Variants in PEX12 observed in about 807,000 individuals in gnomAD.
The protein encoded by PEX12 is peroxisome assembly protein 12.
Under a neutral mutation model 32.5 loss-of-function variants are expected in PEX12, and 31 were observed. That is an observed-to-expected ratio of 0.95 (90% confidence interval 0.72 to 1.29). The LOEUF (loss-of-function observed/expected upper bound fraction) is 1.29, where lower values mean the gene tolerates loss of function less well. Ranked by LOEUF, PEX12 falls within the 50% of genes most tolerant of loss-of-function variation. The pLI is 0.00. For missense variants in PEX12, 359 were observed against 419.0 expected (o/e 0.86, Z 1.25); for synonymous variants, 148 against 157.2 (o/e 0.94, Z 0.44).
At position 35,578,059 on chromosome 17, in the gene PEX12, ACT is replaced by A. The variant is rs746414260; in HGVS notation, c.-40_-39del. 8 of 1,612,962 alleles carry A rather than the reference ACT, an allele frequency of 5.0e-6. No homozygotes were observed. Among genetic ancestry groups the A allele is most frequent in the Non-Finnish European group, 5.9e-6 (7 of 1,179,582 alleles). The stretch of plus-strand genomic sequence containing the variant: ...GTACTGGCTTTCACTTTTCCCACAA[ACT>A]CTCTCGTGAGCATGAACTTTTTCGG... On this transcript the variant is annotated 5_prime_UTR_variant, in exon 1 of 3. Coordinates refer to ENST00000225873, the MANE Select transcript of PEX12 (RefSeq NM_000286.3).
chr17:35,576,068 T>C lies in PEX12; in HGVS notation c.794A>G (p.Tyr265Cys). Residue 265 changes from tyrosine (Y) to cysteine (C), a missense_variant, in exon 3 of 3, where the codon TAC (tyrosine) becomes TGC (cysteine). Physicochemically the swap from Tyr to Cys is radical, Grantham distance 194. Transcript: ENST00000225873. ...VFFLQFLDWW[Y>C]SSENQETIKS... is the part of the protein sequence containing the mutation. ...GATGGTTTCTTGATTTTCAGATGAGTACCACCAGTCAAGGAACTGCAAGAA... is the reference window on the plus strand; with the variant it reads ...GATGGTTTCTTGATTTTCAGATGAGCACCACCAGTCAAGGAACTGCAAGAA... 1.9e-6 allele frequency: 3 copies of C among 1,613,986 alleles called. No homozygotes were observed. Among genetic ancestry groups the C allele is most frequent in the Non-Finnish European group, 2.5e-6 (3 of 1,179,998 alleles).
At position 35,577,675 on chromosome 17, in the gene PEX12, T is replaced by C; in HGVS notation, c.127-84A>G. On this transcript the variant is annotated intron_variant, in intron 1 of 2. Transcript: ENST00000225873. ...TTACATTCCCCCTTTTCCTCTAAAG[T>C]CTACACAATTTGTTTTAAATAAGTC... The C allele has an allele frequency of 2.1e-6, 3 of 1,440,600 alleles. No individual in the cohort carries two copies. The South Asian group carries it at 3.4e-5, about 17-fold the overall frequency. 89.2% of individuals were successfully genotyped at this position (1,440,600 alleles called of 1,614,324 possible).
chr17:35,577,980 G>A lies in PEX12; in HGVS notation c.42C>T (p.Ala14=). The change falls in exon 1 of 3, where the codon GCC becomes GCT. Residue 14 remains alanine (A), a synonymous_variant. Transcript: ENST00000225873. ...HGAHFTAASV[A]DDQPSIFEVV... The stretch of plus-strand genomic sequence containing the variant: ...CCTCAAAGATGGATGGCTGGTCATC[G>A]GCCACAGAAGCAGCTGTGAAGTGAG... 1.9e-6 allele frequency: 3 copies of A among 1,614,138 alleles called. No homozygotes were observed. Among genetic ancestry groups the A allele is most frequent in the South Asian group, 1.1e-5 (1 of 91,086 alleles).
rs35542792 is a variant in PEX12 at position 35,576,867 on chromosome 17, A to G, written c.680+171T>C. Among the ~76,000 whole-genome samples the G allele has an allele frequency of 0.14, 21,407 of 152,238 alleles. 1,804 individuals are homozygous for G. The highest frequency in any genetic ancestry group is 0.25 in the South Asian group (1,202 of 4,828). On this transcript the variant is annotated intron_variant, in intron 2 of 2. Transcript: ENST00000225873. ...AGCAAGTATGCACTAAAGTATACCT[A>G]GAATGATGAAGGTTACCAGGATGAC...
chr17:35,576,501 AAC>A lies in PEX12; in HGVS notation c.681-322_681-321del, dbSNP rs200218126. Among the ~76,000 whole-genome samples the A allele has an allele frequency of 2.8e-4, 42 of 150,224 alleles. No homozygotes were observed. In the South Asian group the frequency reaches 6.3e-3, roughly 23 times the overall value. ...ATAGTGATCCAGAAAAAAAAAAAAA[AAC>A]CCAATTCACTTAATAAAAAACTTAG... On this transcript the variant is annotated intron_variant, in intron 2 of 2. Coordinates refer to ENST00000225873, the MANE Select transcript of PEX12 (RefSeq NM_000286.3).
chr17:35,575,614 A>T lies in PEX12; in HGVS notation c.*168T>A. ...GTAGGGTTCTAGAGAGCAGGCTAAA[A>T]GGTTAGGATCAAATGGGCATATCCT... On this transcript the variant is annotated 3_prime_UTR_variant, in exon 3 of 3. Coordinates refer to ENST00000225873, the MANE Select transcript of PEX12 (RefSeq NM_000286.3). The T allele has an allele frequency of 1.4e-6, 1 of 714,014 alleles. No homozygotes were observed. Among genetic ancestry groups the T allele is most frequent in the East Asian group, 2.7e-5 (1 of 36,914 alleles). 44.2% of individuals were successfully genotyped at this position (714,014 alleles called of 1,614,324 possible).
In PEX12 at chr17:35,577,052, C is replaced by T. The variant is rs759295117; in HGVS notation, c.666G>A (p.Gln222=). Residue 222 remains glutamine (Q), a synonymous_variant, in exon 2 of 3, where the codon CAG becomes CAA. Transcript: ENST00000225873. ...EHKPAKASMM[Q]QPARSVSEKI... is the part of the protein sequence containing the mutation. ...TAAGGCCTTACCTCCTGGCTGGTTG[C>T]TGCATCATGCTGGCCTTAGCTGGTT... The T allele has an allele frequency of 5.6e-6, 9 of 1,613,900 alleles. No individual in the cohort carries two copies. The highest frequency in any genetic ancestry group is 7.6e-6 in the Non-Finnish European group (9 of 1,179,996).
At position 35,578,433 on chromosome 17, in the gene PEX12, T is replaced by C. The variant is rs2072800891; in HGVS notation, c.-412A>G. On this transcript the variant is annotated 5_prime_UTR_variant, in exon 1 of 3. Transcript: ENST00000225873. ...GACTCTGAGGATTCAGTCGTGCCACTGTGAGCCCGGGACACAAGGGCTGAC... is the reference window on the plus strand; with the variant it reads ...GACTCTGAGGATTCAGTCGTGCCACCGTGAGCCCGGGACACAAGGGCTGAC... 10 of 326,646 alleles carry C rather than the reference T, an allele frequency of 3.1e-5. 1 individual carries two copies. The highest frequency in any genetic ancestry group is 2.3e-4 in the South Asian group (9 of 39,470). The allele number at this position is 326,646 out of a possible 1,614,324, so 20.2% of individuals were successfully genotyped here.
chr17:35,577,717 A>G (rs1202861141), intron 1 of PEX12, 126 bp from the exon 2 acceptor site: 7 of 1,268,494 alleles, frequency 5.5e-6, no homozygotes, highest in Non-Finnish European at 7.9e-6. Context: ...GGACCCTGAA[A>G]TGCTGGGTAT....
At position 35,576,211 on chromosome 17, in the gene PEX12, G is replaced by A. The variant is rs146527335; in HGVS notation, c.681-30C>T. The stretch of plus-strand genomic sequence containing the variant: ...TGGGAGAAAAGAACAAGGAGGCAAA[G>A]AGAGAAACTTTATTTAGGTATCATT... On this transcript the variant is annotated intron_variant, in intron 2 of 2. Coordinates refer to ENST00000225873, the MANE Select transcript of PEX12 (RefSeq NM_000286.3). 3.6e-4 allele frequency: 587 copies of A among 1,608,368 alleles called. 1 individual carries two copies. In the African/African-American group the frequency reaches 7.1e-3, roughly 19 times the overall value.
rs2072784264 is a variant in PEX12 at position 35,576,182 on chromosome 17, C to T, written c.681-1G>A. Reference sequence around the variant, plus strand: ...AGCTGAGTTTATCTTCTCACTAACACTGTTGGGAGAAAAGAACAAGGAGGC... The same window carrying T: ...AGCTGAGTTTATCTTCTCACTAACATTGTTGGGAGAAAAGAACAAGGAGGC... On this transcript the variant is annotated splice_acceptor_variant, in intron 2 of 2. Coordinates refer to ENST00000225873, the MANE Select transcript of PEX12 (RefSeq NM_000286.3). LOFTEE classifies it high-confidence loss of function. 1 of 1,613,818 alleles carries T rather than the reference C, an allele frequency of 6.2e-7. No homozygotes were observed.
chr17:35,577,191 A>T lies in PEX12; in HGVS notation c.527T>A (p.Val176Glu). The T allele has an allele frequency of 1.9e-6, 3 of 1,614,164 alleles. No homozygotes were observed. Among genetic ancestry groups the T allele is most frequent in the Non-Finnish European group, 2.5e-6 (3 of 1,180,026 alleles). The stretch of plus-strand genomic sequence containing the variant: ...TCCTAGGATGTATCGAAGTTGTTGT[A>T]CAAGAAACCATCCTTCCCAGGCCAT... The part of the protein sequence containing the change: ...VNMAWEGWFL[V>E]QQLRYILGKA... Residue 176 changes from valine (V) to glutamate (E), a missense_variant, in exon 2 of 3, where the codon GTA becomes GAA. By Grantham distance (121) the Val-to-Glu change is moderately radical. Coordinates refer to ENST00000225873, the MANE Select transcript of PEX12 (RefSeq NM_000286.3).
intron 1 of PEX12, 31 bp from the exon 2 acceptor site, chr17:35,577,622 C>A: frequency 6.3e-7 from 1 of 1,585,792 alleles, no homozygotes; most frequent in Non-Finnish European, 8.6e-7. Flanking sequence ...AAGTGAAATT[C>A]ATTCCATTAC....
In PEX12 at chr17:35,575,404, C is replaced by T. The variant is rs1597921984; in HGVS notation, c.*378G>A. The T allele has an allele frequency of 1.6e-5, 3 of 191,770 alleles. No individual in the cohort carries two copies. In the East Asian group the frequency reaches 3.8e-4, roughly 25 times the overall value. The allele number at this position is 191,770 out of a possible 1,614,324, so 11.9% of individuals were successfully genotyped here. Reference sequence around the variant, plus strand: ...AAAAAGAAGTCTTGCTACCACCTCACTGTTCACTTTATTTTTTATGCGGTC... The same window carrying T: ...AAAAAGAAGTCTTGCTACCACCTCATTGTTCACTTTATTTTTTATGCGGTC... On this transcript the variant is annotated 3_prime_UTR_variant, in exon 3 of 3. Coordinates refer to ENST00000225873, the MANE Select transcript of PEX12 (RefSeq NM_000286.3).
rs561976188 is a variant in PEX12, at chr17:35,577,971, C to G, written c.51G>C (p.Gln17His). Residue 17 changes from glutamine to histidine, a missense_variant, in exon 1 of 3, where the codon CAG (glutamine) becomes CAC (histidine). Gln to His is a conservative substitution (Grantham distance 24). Transcript: ENST00000225873. ...HFTAASVADD[Q>H]PSIFEVVAQD... ...GTGCTACCACCTCAAAGATGGATGG[C>G]TGGTCATCGGCCACAGAAGCAGCTG... The G allele has an allele frequency of 4.3e-6, 7 of 1,614,148 alleles. No homozygotes were observed. In the Middle Eastern group the frequency reaches 4.9e-4, roughly 114 times the overall value.
Position 35,575,643 on chromosome 17 carries a change from A to T in PEX12, c.*139T>A. 1.1e-6 allele frequency: 1 copy of T among 883,452 alleles called. No homozygotes were observed. The highest frequency in any genetic ancestry group is 1.9e-6 in the Non-Finnish European group (1 of 532,306). The allele number at this position is 883,452 out of a possible 1,614,324, so 54.7% of individuals were successfully genotyped here. A position where few individuals can be genotyped will look rare whatever the true frequency, so the allele number is the denominator to read the frequency against. ...TAGGATCAAATGGGCATATCCTTTTAAAGAAATCCATATAATCATTTAAAG... is the reference window on the plus strand; with the variant it reads ...TAGGATCAAATGGGCATATCCTTTTTAAGAAATCCATATAATCATTTAAAG... On this transcript the variant is annotated 3_prime_UTR_variant, in exon 3 of 3. Transcript: ENST00000225873.
intron 1 of PEX12, 127 bp downstream of exon 1, chr17:35,577,769 T>TA (rs2072795725): frequency 1.4e-6 from 2 of 1,397,642 alleles, no homozygotes; most frequent in African/African-American, 1.4e-5. Flanking sequence ...CAGTAACTCT[T>TA]AAGTCATGGG....
intron 2 of PEX12, 110 bp from the exon 3 acceptor site, chr17:35,576,291 GA>G: frequency 1.0e-6 from 1 of 998,534 alleles, no homozygotes; most frequent in Non-Finnish European, 1.5e-6. Context: ...ATCACTGGGG[GA>G]CTGAATGGTT....
At chr17:35,576,371 A>G (rs2072785351) in intron 2 of PEX12, among the ~76,000 whole-genome samples, 190 bp from the exon 3 acceptor site, 1 of 152,130 alleles carries the variant, frequency 6.6e-6, no homozygotes, top group Admixed American at 6.6e-5. Context: ...TTAGGAGCAT[A>G]GGAGCTAAGC....
Sources: allele counts gnomAD v4.1 joint callset (sites outside exome capture counted in the v4.1 genomes callset), GRCh38; gene constraint gnomAD v4.1.1; transcripts MANE v1.5; gene names NCBI Gene and HGNC (gene_info 2026-07-23, HGNC 2026-07-21).